The following SOX5 variants were observed in gnomAD, a reference collection of about 807,000 sequenced individuals.
The protein encoded by SOX5 is SRY-box transcription factor 5, also known as transcription factor SOX-5.
In SOX5, 9 loss-of-function variants were observed where a neutral mutation model predicts 92.0. The observed-to-expected ratio is 0.10, with a 90% confidence interval of 0.06 to 0.17. The LOEUF (loss-of-function observed/expected upper bound fraction) is 0.17. Ranked by LOEUF, SOX5 falls within the 10% of genes least tolerant of loss-of-function variation. The probability of loss-of-function intolerance (pLI) is 1.00; values close to 1 mark genes in which losing one functional copy is unlikely to be tolerated. For synonymous variants in SOX5, 344 were observed against 336.3 expected (o/e 1.02, Z -0.25); for missense variants, 642 against 944.5 (o/e 0.68, Z 4.20).
chr12:23,775,242 C>A (rs572584670), intron 3 of SOX5, among the ~76,000 whole-genome samples: 4 of 152,090 alleles, frequency 2.6e-5, no homozygotes, highest in Admixed American at 2.0e-4. Context: ...GTTTAAAATG[C>A]GCCTTGCATG....
At chr12:24,403,191 A>G (rs899862012) in intron 1 of SOX5, among the ~76,000 whole-genome samples, 5 of 152,148 alleles carry the variant, frequency 3.3e-5, no homozygotes, top group African/African-American at 7.2e-5. Flanking sequence ...TGGCTAAAGC[A>G]TTTCTGAGCA....
chr12:24,379,876 C>CT (rs10652256), intron 1 of SOX5, among the ~76,000 whole-genome samples: 7 of 139,714 alleles, frequency 5.0e-5, no homozygotes, highest in Middle Eastern at 3.4e-3. Context: ...CCAGAAGATT[C>CT]TTTTTTTTTT....
chr12:23,569,285 C>G (rs912102042), intron 10 of SOX5, among the ~76,000 whole-genome samples: 1 of 152,104 alleles, frequency 6.6e-6, no homozygotes, highest in Non-Finnish European at 1.5e-5. Flanking sequence ...TCCTCTGGTA[C>G]CGTAGTGCTT....
At chr12:24,371,488 A>G (rs564999013) in intron 1 of SOX5, among the ~76,000 whole-genome samples, 103 of 152,322 alleles carry the variant, frequency 6.8e-4, no homozygotes, top group African/African-American at 2.3e-3. Flanking sequence ...TTAAGCCACT[A>G]AATTTGTGAT....
intron 2 of SOX5, among the ~76,000 whole-genome samples, chr12:23,871,691 T>G (rs1266814443): frequency 6.6e-6 from 1 of 152,146 alleles, no homozygotes; most frequent in Non-Finnish European, 1.5e-5. Context: ...AATTATATTT[T>G]ATGACTCCGT....
At chr12:23,616,421 G>A (rs977306497) in intron 8 of SOX5, among the ~76,000 whole-genome samples, 44 of 152,208 alleles carry the variant, frequency 2.9e-4, no homozygotes, top group African/African-American at 1.0e-3. Flanking sequence ...GTGCCTAGAG[G>A]AAAGTGGGAA....
At chr12:23,713,811 G>T (rs1593556342) in intron 6 of SOX5, among the ~76,000 whole-genome samples, 1 of 149,204 alleles carries the variant, frequency 6.7e-6, no homozygotes, top group South Asian at 2.1e-4. Flanking sequence ...GATTATTATT[G>T]GCTGGGCATG....
Position 23,741,008 on chromosome 12 carries a change from C to A in SOX5, c.600G>T (p.Arg200Ser). Reference protein sequence around the residue: ...GTPESLAEKERQLMGMINQLT... With the variant: ...GTPESLAEKESQLMGMINQLT... ...GCTGGTTGATCATACCCATGAGTTG[C>A]CTTTCTTTCTCAGCTAAGCTCTCGG... The change falls in exon 5 of 15, where the codon AGG becomes AGT. Residue 200 changes from arginine (R) to serine (S), a missense_variant. By Grantham distance (110) the Arg-to-Ser change is moderately radical. This residue lies in a region of SOX5 where 324 missense variants were observed against 461.6 expected (regional missense o/e 0.70). Transcript: ENST00000451604. The A allele has an allele frequency of 6.2e-7, 1 of 1,605,710 alleles. No individual in the cohort carries two copies. Among genetic ancestry groups the A allele is most frequent in the Non-Finnish European group, 8.5e-7 (1 of 1,174,036 alleles).
At chr12:23,878,307 G>A (rs1216632657) in intron 2 of SOX5, among the ~76,000 whole-genome samples, 1 of 151,950 alleles carries the variant, frequency 6.6e-6, no homozygotes, top group African/African-American at 2.4e-5. Context: ...AAGAGAAACA[G>A]ATAGTTCCAA....
intron 4 of SOX5, among the ~76,000 whole-genome samples, chr12:24,104,240 C>G (rs190843580): frequency 6.6e-6 from 1 of 152,044 alleles, no homozygotes; most frequent in Admixed American, 6.6e-5. Flanking sequence ...AATATTATCA[C>G]AATAAAATTA....
In SOX5 at chr12:23,541,936, C is replaced by A. The variant is rs891761689; in HGVS notation, c.1771+1275G>T. On this transcript the variant is annotated intron_variant, in intron 13 of 14. Coordinates refer to ENST00000451604, the MANE Select transcript of SOX5 (RefSeq NM_006940.6). ...GGCCAGCCTGGCCAAAATGGTGAAACCCTCTCTCTGCGAAAATACAAAAGT... is the reference window on the plus strand; with the variant it reads ...GGCCAGCCTGGCCAAAATGGTGAAAACCTCTCTCTGCGAAAATACAAAAGT... Among the ~76,000 whole-genome samples, 9 of 152,278 alleles carry A rather than the reference C, an allele frequency of 5.9e-5. 1 individual carries two copies. The highest frequency in any genetic ancestry group is 4.8e-5 in the African/African-American group (2 of 41,546).
rs1440946646 is a variant in SOX5 at position 23,530,632 on chromosome 12, G to A, written c.*3587C>T. On this transcript the variant is annotated 3_prime_UTR_variant, in exon 15 of 15. Coordinates refer to ENST00000451604, the MANE Select transcript of SOX5 (RefSeq NM_006940.6). ...TAGTTTTATATTTTATCCAATTGTG[G>A]TAAGTTAATCACTAACTTATTATTA... 1 of 151,974 alleles carries A rather than the reference G, an allele frequency of 6.6e-6. No individual in the cohort carries two copies. 9.4% of individuals were successfully genotyped at this position (151,974 alleles called of 1,614,324 possible). A position where few individuals can be genotyped will look rare whatever the true frequency, so the allele number is the denominator to read the frequency against.
At chr12:23,962,405 A>G (rs1947052913) in intron 4 of SOX5, among the ~76,000 whole-genome samples, 1 of 152,180 alleles carries the variant, frequency 6.6e-6, no homozygotes, top group African/African-American at 2.4e-5. Context: ...GCACGCAAGC[A>G]AATGTTTCAT....
In SOX5 at chr12:24,304,477, A is replaced by G. The variant is rs539884547; in HGVS notation, c.-173-27165T>C. Among the ~76,000 whole-genome samples, 4 of 152,316 alleles carry G rather than the reference A, an allele frequency of 2.6e-5. No individual in the cohort carries two copies. In the East Asian group the frequency reaches 7.7e-4, roughly 29 times the overall value. On this transcript the variant is annotated intron_variant, in intron 2 of 4. Coordinates refer to the SOX5 transcript ENST00000446891. ...ATCAAAGCCTGACAGCCATAAAAGG[A>G]ACTCAGAACTTGACAGCAGAGGAAG...
intron 1 of SOX5, among the ~76,000 whole-genome samples, chr12:24,516,316 A>G (rs1949784881): frequency 6.6e-6 from 1 of 152,142 alleles, no homozygotes; most frequent in East Asian, 1.9e-4. Context: ...CCAGAGTGCC[A>G]GAATTCCAGG....
At chr12:23,564,000 ATAGT>A (rs1357869339) in intron 10 of SOX5, among the ~76,000 whole-genome samples, 1 of 152,176 alleles carries the variant, frequency 6.6e-6, no homozygotes, top group Admixed American at 6.5e-5. Context: ...CAAACTTGTA[ATAGT>A]TAGGCTAAAT....
chr12:24,540,793 G>A (rs1817742942), intron 1 of SOX5, among the ~76,000 whole-genome samples: 1 of 152,100 alleles, frequency 6.6e-6, no homozygotes, highest in South Asian at 2.1e-4. Context: ...ATAAATTATA[G>A]TGCAATCGTT....
At chr12:24,056,156 C>A (rs1322050954) in intron 4 of SOX5, among the ~76,000 whole-genome samples, 2 of 152,160 alleles carry the variant, frequency 1.3e-5, no homozygotes, top group African/African-American at 2.4e-5. Flanking sequence ...AAAATACACA[C>A]CAGTTAGGTG....
chr12:23,859,133 A>C (rs976302599), intron 2 of SOX5, among the ~76,000 whole-genome samples: 1 of 152,188 alleles, frequency 6.6e-6, no homozygotes, highest in African/African-American at 2.4e-5. Context: ...ACAGAATAAC[A>C]GCGATTTTCA....
Sources: gnomAD v4.1 joint callset for allele counts (sites outside exome capture counted in the v4.1 genomes callset) on GRCh38, gnomAD v4.1.1 for gene constraint, gnomAD v4.1.1 regional missense constraint, MANE v1.5 for transcripts, NCBI Gene and HGNC (gene_info 2026-07-23, HGNC 2026-07-21) for gene names.